The following PACS1 variants were observed in gnomAD, a reference collection of about 807,000 sequenced individuals.
PACS1 encodes phosphofurin acidic cluster sorting protein 1, also known as PACS-1.
A neutral mutation model predicts 115.0 loss-of-function variants in PACS1; 24 were observed. The observed-to-expected ratio is 0.21, with a 90% CI of 0.15 to 0.29. The LOEUF (loss-of-function observed/expected upper bound fraction) is 0.29, where lower values mean the gene tolerates loss of function less well. Ranked by LOEUF, PACS1 falls within the 10% of genes least tolerant of loss-of-function variation. The probability of loss-of-function intolerance (pLI) is 1.00; values close to 1 mark genes in which losing one functional copy is unlikely to be tolerated. For missense variants in PACS1, 838 were observed against 1,251.2 expected, an observed-to-expected ratio of 0.67 and a Z score of 4.98; for synonymous variants, 453 against 504.5, an observed-to-expected ratio of 0.90 and a Z score of 1.37.
chr11:66,229,847 G>A (rs1018804800), intron 11 of PACS1, among the ~76,000 whole-genome samples: 1 of 152,098 alleles, frequency 6.6e-6, no homozygotes, highest in African/African-American at 2.4e-5. Flanking sequence ...TCGGGAGGCT[G>A]AAGCAGGAGA....
intron 2 of PACS1, among the ~76,000 whole-genome samples, chr11:66,204,078 C>T (rs1854878329): frequency 6.6e-6 from 1 of 152,120 alleles, no homozygotes; most frequent in Non-Finnish European, 1.5e-5. Flanking sequence ...AGCTTCTGGG[C>T]CAGGCACGGT....
chr11:66,184,376 TAGTG>T (rs941283468), intron 1 of PACS1, among the ~76,000 whole-genome samples: 4 of 151,184 alleles, frequency 2.6e-5, no homozygotes, highest in African/African-American at 9.7e-5. Context: ...ATTTCTCTCT[TAGTG>T]AGCCTCTCAA....
chr11:66,238,413 C>T (rs767949292), intron 19 of PACS1: 30 of 881,854 alleles, frequency 3.4e-5, no homozygotes, highest in Non-Finnish European at 4.1e-5. Flanking sequence ...CTCATTGTTG[C>T]AACTAGGTTT....
At chr11:66,190,008 C>T (rs1364875783) in intron 1 of PACS1, among the ~76,000 whole-genome samples, 2 of 152,218 alleles carry the variant, frequency 1.3e-5, no homozygotes, top group African/African-American at 4.8e-5. Context: ...TGCTGCAGCT[C>T]TAAGACTAGC....
intron 1 of PACS1, among the ~76,000 whole-genome samples, chr11:66,190,589 T>C (rs1228026705): frequency 1.3e-5 from 2 of 152,292 alleles, no homozygotes; most frequent in East Asian, 1.9e-4. Context: ...GATCTTTCTA[T>C]GTTGCCCAGG....
chr11:66,172,536 G>T (rs1859762762), intron 1 of PACS1, among the ~76,000 whole-genome samples: 1 of 152,144 alleles, frequency 6.6e-6, no homozygotes, highest in Non-Finnish European at 1.5e-5. Context: ...TGCCAGCCTT[G>T]CAAGGCAGCC....
intron 2 of PACS1, among the ~76,000 whole-genome samples, chr11:66,195,285 A>G (rs1445947393): frequency 6.6e-6 from 1 of 152,196 alleles, no homozygotes; most frequent in Non-Finnish European, 1.5e-5. Flanking sequence ...CTTATATTCT[A>G]ATTCCCTGTT....
At chr11:66,166,205 T>C (rs1411262657) in intron 1 of PACS1, among the ~76,000 whole-genome samples, 2 of 152,150 alleles carry the variant, frequency 1.3e-5, no homozygotes, top group African/African-American at 2.4e-5. Context: ...TGCAGTGCAA[T>C]GGCATGGTCT....
chr11:66,112,169 C>G (rs372010516), intron 1 of PACS1, among the ~76,000 whole-genome samples: 13 of 152,172 alleles, frequency 8.5e-5, no homozygotes, highest in Non-Finnish European at 1.5e-4. Flanking sequence ...CTGATTGTTG[C>G]ACTCACCTGC....
In PACS1 at chr11:66,230,567, T is replaced by A; in HGVS notation, c.1394T>A (p.Met465Lys). The A allele has an allele frequency of 6.2e-7, 1 of 1,613,890 alleles. No homozygotes were observed. The highest frequency in any genetic ancestry group is 8.5e-7 in the Non-Finnish European group (1 of 1,179,794). The change falls in exon 12 of 24, where the codon ATG becomes AAG. Residue 465 changes from methionine (M) to lysine (K), a missense_variant. This residue lies in a region of PACS1 where 383 missense variants were observed against 537.0 expected (regional missense o/e 0.71). Coordinates refer to ENST00000320580, the MANE Select transcript of PACS1 (RefSeq NM_018026.4). ...TGGTAGGAAATCACTGACCAGGACA[T>A]GTTTGGAGATGCCAGCACGAGTCTG... ...TDTLEITDQDMFGDASTSLVV... is the reference protein window; with the variant it reads ...TDTLEITDQDKFGDASTSLVV...
At chr11:66,139,467 C>T (rs1431971768) in intron 1 of PACS1, among the ~76,000 whole-genome samples, 3 of 151,906 alleles carry the variant, frequency 2.0e-5, no homozygotes, top group African/African-American at 7.3e-5. Context: ...TTAGCCCTCC[C>T]CACTTCCCTC....
At chr11:66,100,092 C>G (rs1857879287) in intron 1 of PACS1, among the ~76,000 whole-genome samples, 1 of 152,098 alleles carries the variant, frequency 6.6e-6, no homozygotes, top group African/African-American at 2.4e-5. Flanking sequence ...GTTGGTCAGG[C>G]TGGTCTCGAA....
intron 13 of PACS1, 26 bp from the exon 14 acceptor site, chr11:66,232,144 CAA>C (rs1409821322): frequency 1.3e-6 from 2 of 1,496,814 alleles, no homozygotes; most frequent in Admixed American, 3.3e-5. Context: ...GACTCCCTAA[CAA>C]GAGACACTTT....
intron 2 of PACS1, among the ~76,000 whole-genome samples, chr11:66,203,647 AAAAC>A (rs1331207746): frequency 6.6e-6 from 1 of 152,206 alleles, no homozygotes; most frequent in Admixed American, 6.5e-5. Flanking sequence ...TGCTGGCATA[AAAAC>A]AAACACCTAC....
chr11:66,111,623 A>C (rs1858187595), intron 1 of PACS1, among the ~76,000 whole-genome samples: 1 of 152,214 alleles, frequency 6.6e-6, no homozygotes, highest in Middle Eastern at 3.4e-3. Flanking sequence ...GAAACCTAGG[A>C]ATTATCCCAG....
In PACS1 at chr11:66,070,718, G is replaced by A; in HGVS notation, c.232G>A (p.Val78Met). ...SSSSTSTSMAVAVASGSAPPG... is the reference protein window; with the variant it reads ...SSSSTSTSMAMAVASGSAPPG... ...CTCGTCTACCTCCACCTCCATGGCC[G>A]TGGCGGTGGCCTCGGGCTCCGCGCC... Residue 78 changes from valine (V) to methionine (M), a missense_variant, in exon 1 of 24, where the codon GTG becomes ATG. Val to Met is a conservative substitution (Grantham distance 21). This residue lies in a region of PACS1 where 129 missense variants were observed against 109.4 expected (regional missense o/e 1.18). Coordinates refer to ENST00000320580, the MANE Select transcript of PACS1 (RefSeq NM_018026.4). The surrounding 1 kb of genome is among the most constrained non-coding windows in gnomAD (Gnocchi z 5.9). The A allele has an allele frequency of 6.4e-7, 1 of 1,572,940 alleles. No homozygotes were observed. The highest frequency in any genetic ancestry group is 2.4e-5 in the East Asian group (1 of 41,370).
chr11:66,111,348 T>G (rs938369604), intron 1 of PACS1, among the ~76,000 whole-genome samples: 3 of 152,222 alleles, frequency 2.0e-5, no homozygotes, highest in African/African-American at 7.2e-5. Flanking sequence ...ACTGTACTAG[T>G]TTTAAAAGCA....
intron 1 of PACS1, among the ~76,000 whole-genome samples, chr11:66,166,453 CA>C (rs1859605564): frequency 1.3e-5 from 2 of 151,280 alleles, no homozygotes; most frequent in African/African-American, 4.9e-5. Flanking sequence ...AGCCTGATGT[CA>C]CATCTTACAG....
intron 11 of PACS1, 109 bp from the exon 12 acceptor site, chr11:66,230,439 T>C: frequency 1.4e-6 from 1 of 740,288 alleles, no homozygotes; most frequent in Non-Finnish European, 2.3e-6. Flanking sequence ...GAAAAGAAAA[T>C]GAGTAACTCT....
Sources: gnomAD v4.1 joint callset for allele counts (sites outside exome capture counted in the v4.1 genomes callset) on GRCh38, gnomAD v4.1.1 for gene constraint, gnomAD v4.1.1 regional missense constraint, Gnocchi (gnomAD v3.1) non-coding constraint, MANE v1.5 for transcripts, NCBI Gene and HGNC (gene_info 2026-07-23, HGNC 2026-07-21) for gene names.